The following ICA1 variants were observed in gnomAD, a reference collection of about 807,000 sequenced individuals.
ICA1 encodes 69 kDa islet cell autoantigen.
ICA1 carries 40 observed loss-of-function variants against 71.0 expected under a neutral mutation model. The observed-to-expected ratio is 0.56, with a 90% CI of 0.44 to 0.73. The LOEUF (loss-of-function observed/expected upper bound fraction) is 0.73. Among genes scored for constraint, ICA1 ranks in the 30% least tolerant of loss-of-function variants. ICA1 has a pLI of 0.00. For missense variants in ICA1, 578 were observed against 576.5 expected (o/e 1.00, Z -0.03); for synonymous variants, 207 against 209.5 (o/e 0.99, Z 0.10).
chr7:8,257,457 TAA>T, intron 1 of ICA1, among the ~76,000 whole-genome samples: 1 of 152,332 alleles, frequency 6.6e-6, no homozygotes, highest in South Asian at 2.1e-4. Context: ...TTGCAATACT[TAA>T]GAGTCACTTC....
At chr7:8,258,911 A>G (rs1392816219) in intron 1 of ICA1, among the ~76,000 whole-genome samples, 2 of 152,210 alleles carry the variant, frequency 1.3e-5, no homozygotes, top group African/African-American at 4.8e-5. Flanking sequence ...GGAGATTATA[A>G]TATCTACTTA....
At chr7:8,179,263 T>A (rs1045678570) in intron 6 of ICA1, among the ~76,000 whole-genome samples, 1 of 152,166 alleles carries the variant, frequency 6.6e-6, no homozygotes, top group Admixed American at 6.6e-5. Flanking sequence ...CTTGTGGGTG[T>A]CTCTGTCCCA....
In ICA1 at chr7:8,222,180, G is replaced by A. The variant is rs1797319623; in HGVS notation, c.257-782C>T. 2.0e-5 allele frequency among the ~76,000 whole-genome samples: 3 copies of A among 152,108 alleles called. No individual in the cohort carries two copies. The South Asian group carries it at 6.2e-4, about 31-fold the overall frequency. ...GCAAAATGGGCACAAAGATGTAAAT[G>A]CAAAAACAATCATAGCATCATTATT... On this transcript the variant is annotated intron_variant, in intron 4 of 13. Coordinates refer to ENST00000402384, the MANE Select transcript of ICA1 (RefSeq NM_001136020.3). The surrounding 1 kb of genome is among the most constrained non-coding windows in gnomAD (Gnocchi z 4.8).
chr7:8,156,432 A>T (rs2128187849), intron 8 of ICA1: 1 of 154,164 alleles, frequency 6.5e-6, no homozygotes, highest in Middle Eastern at 3.4e-3. Context: ...CATCCTTAAA[A>T]TCCTTTTGGA....
At chr7:8,115,917 C>A (rs1784656339) in intron 13 of ICA1, among the ~76,000 whole-genome samples, 1 of 152,220 alleles carries the variant, frequency 6.6e-6, no homozygotes, top group Admixed American at 6.5e-5. Context: ...AATGGTATTT[C>A]TGGCTAAAAA....
chr7:8,198,527 T>A (rs1471080593), intron 6 of ICA1, among the ~76,000 whole-genome samples: 1 of 152,150 alleles, frequency 6.6e-6, no homozygotes, highest in East Asian at 1.9e-4. Context: ...TGGGTTTCAT[T>A]TCAGTCACAC....
At chr7:8,166,901 A>AT (rs56323228) in intron 6 of ICA1, among the ~76,000 whole-genome samples, 150,526 of 152,290 alleles carry the variant, frequency 0.99, 74,392 homozygotes, top group Middle Eastern at 1. Context: ...ATCACTAATC[A>AT]TAGAGAAATG....
chr7:8,174,723 T>C (rs2128240091), intron 6 of ICA1, among the ~76,000 whole-genome samples: 1 of 128,558 alleles, frequency 7.8e-6, no homozygotes, highest in Middle Eastern at 5.4e-3. Context: ...TGCACTGTGC[T>C]CCAGCCTGGG....
intron 5 of ICA1, chr7:8,218,942 A>C (rs1015689201): frequency 5.5e-5 from 14 of 255,440 alleles, no homozygotes; most frequent in Non-Finnish European, 9.3e-5. Flanking sequence ...CCAAAGGCCA[A>C]GGCATCTGCT....
chr7:8,205,232 T>C (rs1231622153), intron 6 of ICA1, among the ~76,000 whole-genome samples: 2 of 152,152 alleles, frequency 1.3e-5, no homozygotes, highest in Non-Finnish European at 2.9e-5. Flanking sequence ...CTGGCAGGGC[T>C]TGGGGAGGGA....
At chr7:8,139,418 C>G (rs1479035919) in intron 10 of ICA1, among the ~76,000 whole-genome samples, 1 of 152,176 alleles carries the variant, frequency 6.6e-6, no homozygotes, top group Admixed American at 6.5e-5. Flanking sequence ...AGAAGTCAAT[C>G]TGAAAAGGCT....
At chr7:8,217,783 A>G (rs939838985) in intron 6 of ICA1, among the ~76,000 whole-genome samples, 5 of 152,250 alleles carry the variant, frequency 3.3e-5, no homozygotes, top group Non-Finnish European at 2.9e-5. Flanking sequence ...CAAATCTTTA[A>G]GAGCATAGCC....
intron 1 of ICA1, among the ~76,000 whole-genome samples, chr7:8,252,536 G>A (rs781329884): frequency 8.4e-4 from 128 of 152,222 alleles, no homozygotes; most frequent in Non-Finnish European, 1.5e-3. Context: ...CATGTAATAT[G>A]AGCACTTGAG....
intron 6 of ICA1, among the ~76,000 whole-genome samples, chr7:8,164,336 A>C (rs967417607): frequency 4.9e-4 from 72 of 146,648 alleles, no homozygotes; most frequent in African/African-American, 1.7e-3. Flanking sequence ...AAAAGAATAG[A>C]TCTGGAGTCA....
intron 6 of ICA1, among the ~76,000 whole-genome samples, chr7:8,182,257 T>C (rs1341769675): frequency 3.9e-5 from 6 of 152,154 alleles, no homozygotes; most frequent in Non-Finnish European, 7.4e-5. Context: ...CCTAACAAGA[T>C]CCTTTATGTT....
intron 13 of ICA1, among the ~76,000 whole-genome samples, chr7:8,115,853 T>C (rs1784626759): frequency 1.3e-5 from 2 of 152,344 alleles, no homozygotes; most frequent in African/African-American, 2.4e-5. Flanking sequence ...TTGACAACTA[T>C]GAAACCTGGC....
rs533711506 is a variant in ICA1, at chr7:8,188,906, A to T, written c.579+29399T>A. Among the ~76,000 whole-genome samples, 34 of 152,304 alleles carry T rather than the reference A, an allele frequency of 2.2e-4. No homozygotes were observed. In the South Asian group the frequency reaches 4.8e-3, roughly 21 times the overall value. On this transcript the variant is annotated intron_variant, in intron 6 of 13. Coordinates refer to ENST00000402384, the MANE Select transcript of ICA1 (RefSeq NM_001136020.3). ...AAAGAGGAGGGCAAGACTTTCCTTG[A>T]TGAGGCCAGGGGACCATGCCAAACT...
intron 13 of ICA1, among the ~76,000 whole-genome samples, chr7:8,119,533 T>G (rs543552534): frequency 6.6e-6 from 1 of 152,322 alleles, no homozygotes; most frequent in South Asian, 2.1e-4. Context: ...GAAACATCTG[T>G]GTATCAAGTC....
chr7:8,187,409 C>A lies in ICA1; in HGVS notation c.580-28757G>T, dbSNP rs372280632. On this transcript the variant is annotated intron_variant, in intron 6 of 13. Transcript: ENST00000402384. ...TGGCATAAAAGATAAAAATGATAAACCTGTGTAGGGCACTTCCCACAAATG... is the reference window on the plus strand; with the variant it reads ...TGGCATAAAAGATAAAAATGATAAAACTGTGTAGGGCACTTCCCACAAATG... 6.0e-4 allele frequency among the ~76,000 whole-genome samples: 92 copies of A among 152,150 alleles called. 2 individuals carry two copies. The South Asian group carries it at 0.015, about 25-fold the overall frequency.
Sources: allele counts gnomAD v4.1 joint callset (sites outside exome capture counted in the v4.1 genomes callset), GRCh38; gene constraint gnomAD v4.1.1; non-coding constraint Gnocchi (gnomAD v3.1); transcripts MANE v1.5; gene names NCBI Gene and HGNC (gene_info 2026-07-23, HGNC 2026-07-21).